Variants in TTC7B observed in about 807,000 individuals in gnomAD.
TTC7B encodes the protein tetratricopeptide repeat protein 7B.
TTC7B carries 28 observed loss-of-function variants against 106.8 expected under a neutral mutation model. That is an observed-to-expected ratio of 0.26 (90% confidence interval 0.19 to 0.36). TTC7B has a LOEUF of 0.36. TTC7B is among the 10% of genes least tolerant of loss of function. The pLI is 1.00. For synonymous variants in TTC7B, 405 were observed against 430.6 expected (o/e 0.94, Z 0.74); for missense variants, 862 against 1,076.4 (o/e 0.80, Z 2.79).
intron 15 of TTC7B, among the ~76,000 whole-genome samples, chr14:90,628,292 G>A (rs1368009763): frequency 6.6e-6 from 1 of 152,220 alleles, no homozygotes; most frequent in Admixed American, 6.5e-5. Flanking sequence ...AAGCTTTTTG[G>A]TAATTTCTGA....
chr14:90,791,397 A>G (rs12893943), intron 1 of TTC7B, among the ~76,000 whole-genome samples: 107,659 of 152,180 alleles, frequency 0.71, 42,081 homozygotes, highest in Non-Finnish European at 0.87. Flanking sequence ...ATTAGATGAT[A>G]GGGAAGGCAT....
chr14:90,661,507 G>T (rs747962441), intron 9 of TTC7B, among the ~76,000 whole-genome samples: 116 of 152,268 alleles, frequency 7.6e-4, no homozygotes, highest in Admixed American at 3.7e-3. Flanking sequence ...GCAGTGAAAA[G>T]CTAGCAATAC....
chr14:90,609,784 G>A lies in TTC7B; in HGVS notation c.1966+958C>T, dbSNP rs530341561. Among the ~76,000 whole-genome samples, 3 of 152,300 alleles carry A rather than the reference G, an allele frequency of 2.0e-5. No individual in the cohort carries two copies. The East Asian group carries it at 5.8e-4, about 29-fold the overall frequency. The stretch of plus-strand genomic sequence containing the variant: ...AAAGAAGAGCAAATTTATATGTTTT[G>A]TGAGTCTGTCGAGTCACCCAGATTA... On this transcript the variant is annotated intron_variant, in intron 17 of 19. Transcript: ENST00000328459.
At position 90,584,056 on chromosome 14, in the gene TTC7B, C is replaced by G. The variant is rs1485352740; in HGVS notation, c.2108-5748G>C. On this transcript the variant is annotated intron_variant, in intron 18 of 19. Transcript: ENST00000328459. ...CGTGTGCTCTGGGACACCCCTCGACCTCATCTGCCCTGTCACAGTGAGCCG... is the reference window on the plus strand; with the variant it reads ...CGTGTGCTCTGGGACACCCCTCGACGTCATCTGCCCTGTCACAGTGAGCCG... 3.3e-5 allele frequency among the ~76,000 whole-genome samples: 5 copies of G among 152,250 alleles called. No individual in the cohort carries two copies. The East Asian group carries it at 9.7e-4, about 29-fold the overall frequency.
chr14:90,633,421 G>A (rs1049380203), intron 15 of TTC7B, among the ~76,000 whole-genome samples: 1 of 152,174 alleles, frequency 6.6e-6, no homozygotes, highest in Non-Finnish European at 1.5e-5. Flanking sequence ...TTTCCTTAGC[G>A]GCCATTGTAA....
At chr14:90,776,219 G>A (rs1891026133) in intron 3 of TTC7B, among the ~76,000 whole-genome samples, 1 of 150,802 alleles carries the variant, frequency 6.6e-6, no homozygotes, top group South Asian at 2.1e-4. Context: ...TCAGGCAGTT[G>A]TTAACTGTTT....
chr14:90,740,389 G>A (rs1014220737), intron 4 of TTC7B, among the ~76,000 whole-genome samples: 14 of 152,048 alleles, frequency 9.2e-5, no homozygotes, highest in African/African-American at 2.4e-4. Flanking sequence ...GTCCAGACAC[G>A]GGGACACCAG....
At chr14:90,728,693 T>G (rs192244675) in intron 5 of TTC7B, among the ~76,000 whole-genome samples, 119 of 152,328 alleles carry the variant, frequency 7.8e-4, no homozygotes, top group Middle Eastern at 6.8e-3. Context: ...AACCCACTCT[T>G]ATTAATCTCA....
At chr14:90,618,095 T>C in intron 15 of TTC7B, 50 bp from the exon 16 acceptor site, 1 of 1,392,980 alleles carries the variant, frequency 7.2e-7, no homozygotes, top group Non-Finnish European at 1.0e-6. Context: ...AGCCACAGAG[T>C]CCCCATCCCA....
rs1457489059 is a variant in TTC7B at position 90,655,011 on chromosome 14, T to C, written c.1441A>G (p.Ser481Gly). The change falls in exon 12 of 20, where the codon AGT (serine) becomes GGT (glycine). Residue 481 changes from serine to glycine, a missense_variant. By Grantham distance (56) the Ser-to-Gly change is moderately conservative (BLOSUM62 0). Transcript: ENST00000328459. Reference protein sequence around the residue: ...KGYLALGLTYSLQATDASLRG... With the variant: ...KGYLALGLTYGLQATDASLRG... ...CTCTCACCGTCAGTGGCCTGCAGAC[T>C]GTACGTGAGCCCCAGAGCTAAGTAG... The C allele has an allele frequency of 3.1e-6, 5 of 1,613,864 alleles. No homozygotes were observed.
At chr14:90,721,434 G>C (rs1888894261) in intron 5 of TTC7B, among the ~76,000 whole-genome samples, 1 of 152,190 alleles carries the variant, frequency 6.6e-6, no homozygotes, top group Non-Finnish European at 1.5e-5. Flanking sequence ...GGCATTAAGG[G>C]ATGAGCAAGA....
Position 90,807,368 on chromosome 14 carries a change from C to T in TTC7B, c.121+8807G>A, listed in dbSNP as rs2030670337. 6.6e-6 allele frequency among the ~76,000 whole-genome samples: 1 copy of T among 152,174 alleles called. No individual in the cohort carries two copies. Among genetic ancestry groups the T allele is most frequent in the Admixed American group, 6.5e-5 (1 of 15,278 alleles). On this transcript the variant is annotated intron_variant, in intron 1 of 19. Coordinates refer to ENST00000328459, the MANE Select transcript of TTC7B (RefSeq NM_001010854.2). This position sits in a 1 kb window ranked among gnomAD's most constrained non-coding sequence, Gnocchi z 4.1. ...CTGTCTCCCACTCGGACAACCACGT[C>T]TAAAGTCTGGTCCTAGAACTCCGGG...
In TTC7B at chr14:90,575,377, G is replaced by C. The variant is rs1178667569; in HGVS notation, c.2310+2729C>G. 1.3e-5 allele frequency among the ~76,000 whole-genome samples: 2 copies of C among 152,226 alleles called. No individual in the cohort carries two copies. Among genetic ancestry groups the C allele is most frequent in the Non-Finnish European group, 2.9e-5 (2 of 68,030 alleles). Reference sequence around the variant, plus strand: ...AGAGCTGTGATTCTAACCCAGGCCAGCCTGGCTCCAGGGCCTCCTCCTGGG... The same window carrying C: ...AGAGCTGTGATTCTAACCCAGGCCACCCTGGCTCCAGGGCCTCCTCCTGGG... On this transcript the variant is annotated intron_variant, in intron 19 of 19. Coordinates refer to ENST00000328459, the MANE Select transcript of TTC7B (RefSeq NM_001010854.2). The surrounding 1 kb of genome is among the most constrained non-coding windows in gnomAD (Gnocchi z 5.2).
intron 11 of TTC7B, among the ~76,000 whole-genome samples, chr14:90,655,336 T>G (rs1410673304): frequency 6.6e-6 from 1 of 152,248 alleles, no homozygotes; most frequent in Non-Finnish European, 1.5e-5. Context: ...ACTGCTTATT[T>G]GCCTTCTTTT....
chr14:90,699,839 A>T (rs1397598952), intron 5 of TTC7B, among the ~76,000 whole-genome samples: 1 of 152,248 alleles, frequency 6.6e-6, no homozygotes, highest in Non-Finnish European at 1.5e-5. Context: ...AGCAGGGGAC[A>T]CCGTCCCTGC....
intron 16 of TTC7B, among the ~76,000 whole-genome samples, chr14:90,615,438 G>C (rs1416324404): frequency 6.6e-6 from 1 of 152,224 alleles, no homozygotes; most frequent in Non-Finnish European, 1.5e-5. Context: ...GCACAGACCA[G>C]CTCCGGGGAG....
chr14:90,565,116 AGAGAACTGAAGAGAGCTGG>A (rs1186387818), intron 19 of TTC7B, among the ~76,000 whole-genome samples: 1 of 152,174 alleles, frequency 6.6e-6, no homozygotes, highest in Admixed American at 6.5e-5. Flanking sequence ...CTCAGCCTTC[AGAGAACTGAAGAGAGCTGG>A]GAACTTGCTC....
At chr14:90,708,759 T>A (rs1488816806) in intron 5 of TTC7B, among the ~76,000 whole-genome samples, 3 of 152,308 alleles carry the variant, frequency 2.0e-5, no homozygotes, top group East Asian at 1.9e-4. Context: ...CCATAGATAG[T>A]GATTCCTCTG....
At chr14:90,672,928 CT>C (rs1886687166) in intron 9 of TTC7B, among the ~76,000 whole-genome samples, 2 of 152,198 alleles carry the variant, frequency 1.3e-5, no homozygotes, top group African/African-American at 4.8e-5. Context: ...TCCCAACTGT[CT>C]GAGATATACA....
Sources: gnomAD v4.1 joint callset for allele counts (sites outside exome capture counted in the v4.1 genomes callset) on GRCh38, gnomAD v4.1.1 for gene constraint, Gnocchi (gnomAD v3.1) non-coding constraint, MANE v1.5 for transcripts, NCBI Gene and HGNC (gene_info 2026-07-23, HGNC 2026-07-21) for gene names.